The following CD82 variants were observed in gnomAD, a reference collection of about 807,000 sequenced individuals.
CD82 encodes CD82 antigen.
Under a neutral mutation model 37.4 loss-of-function variants are expected in CD82, and 36 were observed. The observed-to-expected ratio is 0.96, with a 90% confidence interval of 0.74 to 1.27. The LOEUF is 1.27. CD82 is among the 50% of genes most tolerant of loss of function. CD82 has a pLI of 0.00. For missense variants in CD82, 340 were observed against 347.0 expected, an observed-to-expected ratio of 0.98 and a Z score of 0.16; for synonymous variants, 158 against 137.4, an observed-to-expected ratio of 1.15 and a Z score of -1.05.
intron 1 of CD82, among the ~76,000 whole-genome samples, chr11:44,578,323 C>A (rs957141879): frequency 6.6e-6 from 1 of 152,152 alleles, no homozygotes; most frequent in African/African-American, 2.4e-5. Flanking sequence ...GGGAAGAGAG[C>A]CAGGGAGCCA....
At chr11:44,605,676 C>G (rs926549269) in intron 6 of CD82, among the ~76,000 whole-genome samples, 1 of 152,150 alleles carries the variant, frequency 6.6e-6, no homozygotes, top group Non-Finnish European at 1.5e-5. Flanking sequence ...AGCTGTGTGG[C>G]CTTGGGCAAG....
At chr11:44,602,880 C>T (rs1004445062) in intron 4 of CD82, among the ~76,000 whole-genome samples, 2 of 152,140 alleles carry the variant, frequency 1.3e-5, no homozygotes, top group Non-Finnish European at 2.9e-5. Flanking sequence ...GGTCTCAGCC[C>T]TGATCCTTCC....
rs1853638468 is a variant in CD82, at chr11:44,619,865, C to A, written c.*739C>A. ...CCTACTGGGTGGGTCAACTTATTTC[C>A]CACTATGACATTTATATCTTTATTT... On this transcript the variant is annotated 3_prime_UTR_variant, in exon 10 of 10. Transcript: ENST00000227155. The A allele has an allele frequency of 1.3e-5, 2 of 151,826 alleles. No individual in the cohort carries two copies. Among genetic ancestry groups the A allele is most frequent in the South Asian group, 4.2e-4 (2 of 4,816 alleles). The allele number at this position is 151,826 out of a possible 1,614,324, so 9.4% of individuals were successfully genotyped here. A position where few individuals can be genotyped will look rare whatever the true frequency, so the allele number is the denominator to read the frequency against.
intron 1 of CD82, among the ~76,000 whole-genome samples, chr11:44,571,086 A>G (rs1375087543): frequency 6.6e-6 from 1 of 152,166 alleles, no homozygotes; most frequent in Non-Finnish European, 1.5e-5. Context: ...GGAGTTGTTC[A>G]GAGTTCTGGG....
intron 1 of CD82, among the ~76,000 whole-genome samples, chr11:44,577,896 G>A (rs994606242): frequency 1.6e-4 from 24 of 152,166 alleles, no homozygotes; most frequent in African/African-American, 5.6e-4. Context: ...GGTAGGGGGT[G>A]TCCTCGGCGG....
intron 1 of CD82, among the ~76,000 whole-genome samples, chr11:44,570,683 T>G (rs1386488599): frequency 1.3e-5 from 2 of 150,160 alleles, no homozygotes; most frequent in Non-Finnish European, 3.0e-5. Flanking sequence ...GGAATTGCTT[T>G]CAGCAGAGCT....
At chr11:44,606,098 A>AC (rs889031276) in intron 6 of CD82, 3 of 147,968 alleles carry the variant, frequency 2.0e-5, no homozygotes, top group African/African-American at 8.1e-5. Context: ...GCATTATGAC[A>AC]CTTACCTCGT....
At chr11:44,595,218 G>C (rs527557767) in intron 3 of CD82, among the ~76,000 whole-genome samples, 1 of 151,682 alleles carries the variant, frequency 6.6e-6, no homozygotes, top group East Asian at 1.9e-4. Context: ...GGCGCCAGGC[G>C]TGGGGCCAGT....
At chr11:44,567,582 T>C (rs990418227) in intron 1 of CD82, among the ~76,000 whole-genome samples, 3 of 151,790 alleles carry the variant, frequency 2.0e-5, no homozygotes, top group Admixed American at 2.0e-4. Context: ...AAATTGGAGT[T>C]TGGTATGGTG....
intron 1 of CD82, among the ~76,000 whole-genome samples, chr11:44,570,712 C>T (rs1470761337): frequency 1.5e-5 from 1 of 65,416 alleles, no homozygotes; most frequent in East Asian, 2.2e-4. Flanking sequence ...TCTTCCGATG[C>T]CTGGCCTTTA....
intron 1 of CD82, among the ~76,000 whole-genome samples, chr11:44,568,478 C>T (rs1389890553): frequency 2.2e-5 from 3 of 138,072 alleles, no homozygotes; most frequent in South Asian, 2.3e-4. Context: ...GCATCTGGGC[C>T]GAAAGGTGGG....
chr11:44,601,610 G>GGGGGTGAGCCCACTGGGT (rs1447402558), intron 4 of CD82, among the ~76,000 whole-genome samples: 1 of 152,194 alleles, frequency 6.6e-6, no homozygotes, highest in Non-Finnish European at 1.5e-5. Flanking sequence ...CTGGCGCAGT[G>GGGGGTGAGCCCACTGGGT]GGGGTGAGCC....
chr11:44,601,125 C>A (rs1386967724), intron 4 of CD82, among the ~76,000 whole-genome samples: 8 of 152,194 alleles, frequency 5.3e-5, no homozygotes, highest in Admixed American at 2.6e-4. Context: ...AGCGGAAGCC[C>A]CCAGGGGACA....
At chr11:44,586,809 C>T (rs1485592961) in intron 1 of CD82, among the ~76,000 whole-genome samples, 1 of 152,212 alleles carries the variant, frequency 6.6e-6, no homozygotes, top group African/African-American at 2.4e-5. Flanking sequence ...TCTAGACCTC[C>T]CTTTTCTCTC....
chr11:44,605,569 A>C, intron 6 of CD82, 140 bp downstream of exon 6: 1 of 721,494 alleles, frequency 1.4e-6, no homozygotes, highest in South Asian at 1.7e-5. Context: ...CCTGGACACT[A>C]TTCCTTGTGA....
intron 1 of CD82, among the ~76,000 whole-genome samples, chr11:44,579,996 T>G (rs575053500): frequency 3.3e-5 from 5 of 152,086 alleles, no homozygotes; most frequent in African/African-American, 1.2e-4. Flanking sequence ...GAAGAGGGGA[T>G]GGCTCCAGGG....
In CD82 at chr11:44,594,688, C is replaced by T; in HGVS notation, c.26C>T (p.Thr9Ile). MGSACIKVTKYFLFLFNLI... is the reference protein window; with the variant it reads MGSACIKVIKYFLFLFNLI... ...ATGGGCTCAGCCTGTATCAAAGTCACCAAATACTTTCTCTTCCTCTTCAAC... is the reference window on the plus strand; with the variant it reads ...ATGGGCTCAGCCTGTATCAAAGTCATCAAATACTTTCTCTTCCTCTTCAAC... The change falls in exon 3 of 10, where the codon ACC becomes ATC. Residue 9 changes from threonine (T) to isoleucine (I), a missense_variant. Thr to Ile is a moderately conservative substitution (Grantham distance 89). Coordinates refer to ENST00000227155, the MANE Select transcript of CD82 (RefSeq NM_002231.4). 6 of 1,614,054 alleles carry T rather than the reference C, an allele frequency of 3.7e-6. No individual in the cohort carries two copies. Among genetic ancestry groups the T allele is most frequent in the Non-Finnish European group, 5.1e-6 (6 of 1,179,910 alleles).
intron 1 of CD82, among the ~76,000 whole-genome samples, chr11:44,582,680 G>A (rs1265023743): frequency 2.0e-5 from 3 of 152,194 alleles, no homozygotes; most frequent in Non-Finnish European, 4.4e-5. Flanking sequence ...GCTGACCCCT[G>A]AGACCCCACC....
intron 4 of CD82, 30 bp from the exon 5 acceptor site, chr11:44,605,028 C>T: frequency 6.2e-7 from 1 of 1,614,130 alleles, no homozygotes; most frequent in African/African-American, 1.3e-5. Flanking sequence ...CTGCTGTGCC[C>T]ACTGATTTTG....
Sources: allele counts gnomAD v4.1 joint callset (sites outside exome capture counted in the v4.1 genomes callset), GRCh38; gene constraint gnomAD v4.1.1; transcripts MANE v1.5; gene names NCBI Gene and HGNC (gene_info 2026-07-23, HGNC 2026-07-21).